Variants in ADAMTS9 observed in about 807,000 individuals in gnomAD.
ADAMTS9 encodes the protein ADAM metallopeptidase with thrombospondin type 1 motif 9.
In ADAMTS9, 107 loss-of-function variants were observed where a neutral mutation model predicts 257.1. The ratio of observed to expected loss-of-function variants is 0.42; its 90% CI spans 0.36 to 0.49. ADAMTS9 has a LOEUF of 0.49. Ranked by LOEUF, ADAMTS9 falls within the 20% of genes least tolerant of loss-of-function variation. The pLI, the probability that ADAMTS9 is intolerant of heterozygous loss-of-function variation, is 0.03. For synonymous variants in ADAMTS9, 982 were observed against 880.9 expected (o/e 1.11, Z -2.03); for missense variants, 2,353 against 2,469.1 (o/e 0.95, Z 1.00).
intron 11 of ADAMTS9, among the ~76,000 whole-genome samples, chr3:64,646,616 G>A (rs937351548): frequency 1.3e-5 from 2 of 152,200 alleles, no homozygotes; most frequent in Non-Finnish European, 2.9e-5. Context: ...ATGAGAACAT[G>A]AGCTGACTCT....
intron 37 of ADAMTS9, among the ~76,000 whole-genome samples, chr3:64,534,537 A>G (rs2083022009): frequency 6.6e-6 from 1 of 152,202 alleles, no homozygotes; most frequent in Non-Finnish European, 1.5e-5. Flanking sequence ...CTTAAATATT[A>G]TATCCCAGCT....
intron 28 of ADAMTS9, among the ~76,000 whole-genome samples, chr3:64,591,380 C>T (rs1181668173): frequency 1.3e-5 from 2 of 151,592 alleles, no homozygotes; most frequent in South Asian, 4.2e-4. Flanking sequence ...GAGGAGGTTG[C>T]AGTGAGCCGA....
chr3:64,671,134 T>G (rs1438114748), intron 3 of ADAMTS9, among the ~76,000 whole-genome samples: 2 of 152,184 alleles, frequency 1.3e-5, no homozygotes, highest in Non-Finnish European at 2.9e-5. Context: ...AAACTGTCGC[T>G]CAAGTGGGTA....
At chr3:64,602,365 TC>T in intron 25 of ADAMTS9, 152 bp from the exon 26 acceptor site, 1 of 794,258 alleles carries the variant, frequency 1.3e-6, no homozygotes, top group Non-Finnish European at 2.0e-6. Flanking sequence ...TTTTTTCCCA[TC>T]CCATATCCAT....
intron 18 of ADAMTS9, among the ~76,000 whole-genome samples, chr3:64,621,921 C>T (rs942765399): frequency 3.3e-5 from 5 of 151,920 alleles, no homozygotes; most frequent in Admixed American, 2.0e-4. Context: ...CTACTAAAAC[C>T]ATGCTCTGGA....
intron 18 of ADAMTS9, among the ~76,000 whole-genome samples, chr3:64,621,554 A>T (rs889781345): frequency 1.3e-5 from 2 of 152,026 alleles, no homozygotes; most frequent in South Asian, 2.1e-4. Context: ...CTGAGGTCAG[A>T]TGTTTGAGAA....
At chr3:64,518,399 T>C (rs555973120) in intron 39 of ADAMTS9, among the ~76,000 whole-genome samples, 2 of 152,204 alleles carry the variant, frequency 1.3e-5, no homozygotes, top group East Asian at 3.9e-4. Context: ...TGCAGGTGGG[T>C]CACATGAATT....
chr3:64,633,966 T>G (rs1182617340), intron 12 of ADAMTS9, 87 bp from the exon 13 acceptor site: 9 of 1,264,568 alleles, frequency 7.1e-6, no homozygotes, highest in Admixed American at 2.2e-5. Context: ...ACTTCCTGTC[T>G]TCTAGAGAAG....
chr3:64,564,899 A>T (rs1280888584), intron 29 of ADAMTS9, among the ~76,000 whole-genome samples: 1 of 152,252 alleles, frequency 6.6e-6, no homozygotes, highest in Non-Finnish European at 1.5e-5. Flanking sequence ...GAACTCAAGC[A>T]AAAACAAAAC....
intron 16 of ADAMTS9, 54 bp from the exon 17 acceptor site, chr3:64,622,640 T>G: frequency 6.3e-7 from 1 of 1,586,202 alleles, no homozygotes. Context: ...GACTAGCTGT[T>G]TGAAATATGA....
intron 16 of ADAMTS9, among the ~76,000 whole-genome samples, chr3:64,626,293 TG>T (rs1700218402): frequency 6.6e-6 from 1 of 152,200 alleles, no homozygotes; most frequent in Non-Finnish European, 1.5e-5. Context: ...CTCCTAATCA[TG>T]GAAATCCATT....
intron 25 of ADAMTS9, 147 bp from the exon 26 acceptor site, chr3:64,602,360 T>TC (rs1437539289): frequency 2.4e-6 from 2 of 817,884 alleles, no homozygotes; most frequent in Admixed American, 5.6e-5. Flanking sequence ...CCTCTTTTTT[T>TC]CCCATCCCAT....
chr3:64,559,040 G>A (rs998242862), intron 30 of ADAMTS9, among the ~76,000 whole-genome samples: 1 of 152,164 alleles, frequency 6.6e-6, no homozygotes, highest in African/African-American at 2.4e-5. Context: ...GAGCCTGAAG[G>A]GTTCTGTCTT....
At chr3:64,621,483 C>A (rs892214502) in intron 18 of ADAMTS9, among the ~76,000 whole-genome samples, 1 of 152,026 alleles carries the variant, frequency 6.6e-6, no homozygotes, top group African/African-American at 2.4e-5. Flanking sequence ...GTAGGTAGGC[C>A]GGGCACAGTG....
intron 12 of ADAMTS9, among the ~76,000 whole-genome samples, chr3:64,638,909 TA>T (rs1285755120): frequency 6.6e-6 from 1 of 152,092 alleles, no homozygotes; most frequent in Non-Finnish European, 1.5e-5. Flanking sequence ...AATAGAGACA[TA>T]CCTTGTACCT....
chr3:64,653,407 G>T (rs1402553761), intron 8 of ADAMTS9, among the ~76,000 whole-genome samples: 1 of 152,164 alleles, frequency 6.6e-6, no homozygotes, highest in Non-Finnish European at 1.5e-5. Flanking sequence ...AAGAAAAGGG[G>T]TGTGCTCTTA....
At chr3:64,518,144 A>G (rs750855121) in intron 39 of ADAMTS9, among the ~76,000 whole-genome samples, 2 of 152,228 alleles carry the variant, frequency 1.3e-5, no homozygotes, top group Non-Finnish European at 2.9e-5. Context: ...CTGAGAATGA[A>G]GACATTTAAG....
At chr3:64,521,074 T>G (rs1020742113) in intron 39 of ADAMTS9, among the ~76,000 whole-genome samples, 1 of 152,114 alleles carries the variant, frequency 6.6e-6, no homozygotes, top group African/African-American at 2.4e-5. Flanking sequence ...ATCCAGAATC[T>G]ATAAGGAACT....
At chr3:64,544,482 T>C (rs191909501) in intron 32 of ADAMTS9, among the ~76,000 whole-genome samples, 8 of 152,234 alleles carry the variant, frequency 5.3e-5, no homozygotes, top group Non-Finnish European at 1.2e-4. Context: ...CATCTGACCT[T>C]TGACAAACCT....
Sources: allele counts gnomAD v4.1 joint callset (sites outside exome capture counted in the v4.1 genomes callset), GRCh38; gene constraint gnomAD v4.1.1; transcripts MANE v1.5; gene names NCBI Gene and HGNC (gene_info 2026-07-23, HGNC 2026-07-21).